The following CYP2C18 variants were observed in gnomAD, a reference collection of about 807,000 sequenced individuals.
CYP2C18 encodes the protein cytochrome P450 family 2 subfamily C member 18, also known as cytochrome P450 2C18.
A neutral mutation model predicts 41.3 loss-of-function variants in CYP2C18; 38 were observed. The observed-to-expected ratio is 0.92, with a 90% CI of 0.71 to 1.21. The LOEUF (loss-of-function observed/expected upper bound fraction) is 1.21. Ranked by LOEUF, CYP2C18 falls within the 50% of genes most tolerant of loss-of-function variation. The pLI is 0.00. For synonymous variants in CYP2C18, 236 were observed against 210.0 expected (o/e 1.12, Z -1.07); for missense variants, 635 against 591.4 (o/e 1.07, Z -0.77).
chr10:94,701,281 A>G (rs1254745466), intron 4 of CYP2C18, among the ~76,000 whole-genome samples: 1 of 152,226 alleles, frequency 6.6e-6, no homozygotes, highest in African/African-American at 2.4e-5. Context: ...ATGGAATACT[A>G]TGCAGCCATA....
chr10:94,687,496 ATC>A (rs1464120604), intron 1 of CYP2C18, among the ~76,000 whole-genome samples: 2 of 152,188 alleles, frequency 1.3e-5, no homozygotes, highest in Admixed American at 1.3e-4. Context: ...TTAAAATACA[ATC>A]TGTCTTATCT....
chr10:94,730,169 C>G (rs1428353743), intron 7 of CYP2C18, among the ~76,000 whole-genome samples: 1 of 152,076 alleles, frequency 6.6e-6, no homozygotes, highest in Non-Finnish European at 1.5e-5. Context: ...TTTATAAGTA[C>G]TTGTTAATCA....
At chr10:94,692,256 A>G (rs1847014983) in intron 3 of CYP2C18, among the ~76,000 whole-genome samples, 1 of 152,170 alleles carries the variant, frequency 6.6e-6, no homozygotes, top group Admixed American at 6.6e-5. Flanking sequence ...AATGGGAGAA[A>G]AATTTTGCAA....
intron 5 of CYP2C18, among the ~76,000 whole-genome samples, chr10:94,718,905 G>T (rs1328375656): frequency 6.6e-6 from 1 of 152,166 alleles, no homozygotes; most frequent in African/African-American, 2.4e-5. Context: ...ACAGGGAGAA[G>T]CTGGATGTTG....
At chr10:94,690,054 C>T (rs891229108) in intron 3 of CYP2C18, among the ~76,000 whole-genome samples, 6 of 152,096 alleles carry the variant, frequency 3.9e-5, no homozygotes, top group African/African-American at 9.7e-5. Flanking sequence ...TGTGGCTCCC[C>T]GCACTCCATG....
intron 1 of CYP2C18, among the ~76,000 whole-genome samples, chr10:94,686,074 T>G (rs971971308): frequency 2.0e-5 from 3 of 152,116 alleles, no homozygotes; most frequent in African/African-American, 7.2e-5. Context: ...CTTTCATCAA[T>G]GATTTGTAGT....
At chr10:94,724,291 C>G (rs981873016) in intron 6 of CYP2C18, 55 bp from the exon 7 acceptor site, 3 of 1,573,372 alleles carry the variant, frequency 1.9e-6, no homozygotes, top group African/African-American at 2.7e-5. Context: ...TGAATTGCTA[C>G]AACAAATGTG....
At chr10:94,731,488 AC>A (rs1847832039) in intron 7 of CYP2C18, among the ~76,000 whole-genome samples, 1 of 152,110 alleles carries the variant, frequency 6.6e-6, no homozygotes, top group Admixed American at 6.6e-5. Context: ...TTATATGGAA[AC>A]AAAAAAGCCT....
chr10:94,712,008 ATTT>A lies in CYP2C18; in HGVS notation c.819+5066_819+5068del, dbSNP rs35672164. Among the ~76,000 whole-genome samples, 73 of 97,870 alleles carry A rather than the reference ATTT, an allele frequency of 7.5e-4. 2 individuals carry two copies. The highest frequency in any genetic ancestry group is 4.9e-3 in the East Asian group (14 of 2,848). 64.2% of individuals were successfully genotyped at this position (97,870 alleles called of 152,430 possible). A position where few individuals can be genotyped will look rare whatever the true frequency, so the allele number is the denominator to read the frequency against. On this transcript the variant is annotated intron_variant, in intron 5 of 8. Transcript: ENST00000285979. Reference sequence around the variant, plus strand: ...AGGTGCATGCCACCATGCCCAACTAATTTTTTTTTTTTTTTTTTTTGTAGAGAT... The same window carrying A: ...AGGTGCATGCCACCATGCCCAACTAATTTTTTTTTTTTTTTTTGTAGAGAT...
chr10:94,696,710 G>A (rs1035320184), intron 4 of CYP2C18, among the ~76,000 whole-genome samples: 4 of 151,992 alleles, frequency 2.6e-5, no homozygotes, highest in African/African-American at 9.7e-5. Flanking sequence ...CAAACCCATG[G>A]CAAAGAAGTT....
At chr10:94,728,557 T>C in intron 7 of CYP2C18, 2 of 707,548 alleles carry the variant, frequency 2.8e-6, no homozygotes, top group Non-Finnish European at 3.5e-6. Flanking sequence ...GTTTTTTAGG[T>C]TGGATTCATC....
intron 5 of CYP2C18, among the ~76,000 whole-genome samples, chr10:94,714,589 T>C (rs935436248): frequency 7.9e-5 from 12 of 152,192 alleles, no homozygotes; most frequent in African/African-American, 2.7e-4. Context: ...AGCCTTGTAG[T>C]ATAGTTTGAA....
chr10:94,708,742 A>G (rs1400415586), intron 5 of CYP2C18, among the ~76,000 whole-genome samples: 1 of 152,186 alleles, frequency 6.6e-6, no homozygotes, highest in African/African-American at 2.4e-5. Context: ...GTCACCCTGT[A>G]TTGGGGTGGC....
At chr10:94,715,914 G>A (rs539987315) in intron 5 of CYP2C18, among the ~76,000 whole-genome samples, 4 of 152,254 alleles carry the variant, frequency 2.6e-5, no homozygotes, top group African/African-American at 9.6e-5. Context: ...AGTCTTGGGA[G>A]AGTGTATGTG....
intron 7 of CYP2C18, among the ~76,000 whole-genome samples, chr10:94,730,211 C>G (rs925471774): frequency 1.3e-5 from 2 of 152,084 alleles, no homozygotes; most frequent in Non-Finnish European, 2.9e-5. Flanking sequence ...GTCATATATA[C>G]ACATCCCATA....
intron 6 of CYP2C18, among the ~76,000 whole-genome samples, chr10:94,721,975 C>A (rs1004196554): frequency 1.3e-4 from 20 of 152,092 alleles, no homozygotes; most frequent in Admixed American, 2.6e-4. Context: ...CATATGAATG[C>A]AGATGTCTTT....
chr10:94,701,719 A>T (rs1228901215), intron 4 of CYP2C18, among the ~76,000 whole-genome samples: 1 of 152,228 alleles, frequency 6.6e-6, no homozygotes, highest in Non-Finnish European at 1.5e-5. Flanking sequence ...GGACTCAAAC[A>T]CTATGATGGC....
chr10:94,732,676 A>G (rs1296248924), intron 7 of CYP2C18, among the ~76,000 whole-genome samples: 1 of 152,160 alleles, frequency 6.6e-6, no homozygotes, highest in Non-Finnish European at 1.5e-5. Context: ...TTGTAGCAAC[A>G]TAGATGCAGC....
chr10:94,715,050 G>A (rs1452881022), intron 5 of CYP2C18, among the ~76,000 whole-genome samples: 1 of 152,196 alleles, frequency 6.6e-6, no homozygotes, highest in Non-Finnish European at 1.5e-5. Context: ...CTTTGCTGAA[G>A]TTTCTTATCA....
Sources: allele counts gnomAD v4.1 joint callset (sites outside exome capture counted in the v4.1 genomes callset), GRCh38; gene constraint gnomAD v4.1.1; transcripts MANE v1.5; gene names NCBI Gene and HGNC (gene_info 2026-07-23, HGNC 2026-07-21).